The following TBC1D14 variants were observed in gnomAD, a reference collection of about 807,000 sequenced individuals.
The protein encoded by TBC1D14 is TBC1 domain family member 14, also known as TBC1 domain family, member 14.
In TBC1D14, 26 loss-of-function variants were observed where a neutral mutation model predicts 79.0. That is an observed-to-expected ratio of 0.33 (90% confidence interval 0.24 to 0.46). The LOEUF is 0.46. Among genes scored for constraint, TBC1D14 ranks in the 20% least tolerant of loss-of-function variants. The probability of loss-of-function intolerance (pLI) is 1.00; values close to 1 mark genes in which losing one functional copy is unlikely to be tolerated. For synonymous variants in TBC1D14, 394 were observed against 349.9 expected (o/e 1.13, Z -1.40); for missense variants, 769 against 887.6 (o/e 0.87, Z 1.70).
At chr4:6,946,443 C>T (rs1278728286) in intron 2 of TBC1D14, among the ~76,000 whole-genome samples, 2 of 152,110 alleles carry the variant, frequency 1.3e-5, no homozygotes, top group Non-Finnish European at 2.9e-5. Context: ...AGCGATTCTC[C>T]TGAGTAGCTG....
intron 1 of TBC1D14, 139 bp from the exon 2 acceptor site, chr4:6,923,234 T>G (rs1724007223): frequency 2.0e-6 from 2 of 988,626 alleles, no homozygotes; most frequent in African/African-American, 3.3e-5. Context: ...CTTCTGGACT[T>G]GAATCAAAAC....
chr4:6,984,532 T>A (rs1717649781), intron 3 of TBC1D14, among the ~76,000 whole-genome samples: 1 of 152,222 alleles, frequency 6.6e-6, no homozygotes, highest in Non-Finnish European at 1.5e-5. Flanking sequence ...AAAAATTATT[T>A]TTCACATTTT....
Position 7,010,743 on chromosome 4 carries a change from C to A in TBC1D14, c.1609C>A (p.Pro537Thr). Residue 537 changes from proline to threonine, a missense_variant, in exon 11 of 14, where the codon CCC becomes ACC. Pro to Thr is a conservative substitution (Grantham distance 38). Transcript: ENST00000409757. ...TGCCTTTTCTAACCTTCTGAATAAA[C>A]CCTGTCAAATGGCGTTTTTTAGAGT... ...FIAFSNLLNKPCQMAFFRVDH... is the reference protein window; with the variant it reads ...FIAFSNLLNKTCQMAFFRVDH... 1 of 1,614,018 alleles carries A rather than the reference C, an allele frequency of 6.2e-7. No homozygotes were observed. The highest frequency in any genetic ancestry group is 1.1e-5 in the South Asian group (1 of 91,060).
intron 3 of TBC1D14, among the ~76,000 whole-genome samples, chr4:6,975,883 A>G (rs1052765709): frequency 9.2e-5 from 14 of 152,160 alleles, no homozygotes; most frequent in Non-Finnish European, 1.8e-4. Context: ...ACCTGAGCTC[A>G]GGAGTTCGAG....
chr4:7,017,728 C>T (rs1371287025), intron 12 of TBC1D14, among the ~76,000 whole-genome samples: 1 of 152,154 alleles, frequency 6.6e-6, no homozygotes, highest in Non-Finnish European at 1.5e-5. Flanking sequence ...GAATAAGCAC[C>T]AGCTAGGATA....
chr4:6,948,606 C>T (rs536815174), intron 2 of TBC1D14, among the ~76,000 whole-genome samples: 4 of 151,930 alleles, frequency 2.6e-5, no homozygotes, highest in Non-Finnish European at 4.4e-5. Context: ...GGGTCCCACT[C>T]GCGGTGTGTG....
In TBC1D14 at chr4:6,958,376, T is replaced by TATACACACACAC. The variant is rs538972596; in HGVS notation, c.723-8927_723-8926insTACACACACACA. Among the ~76,000 whole-genome samples, 39 of 149,220 alleles carry TATACACACACAC rather than the reference T, an allele frequency of 2.6e-4. 1 individual carries two copies. Among genetic ancestry groups the TATACACACACAC allele is most frequent in the South Asian group, 8.5e-4 (4 of 4,714 alleles). ...GGGTGATACACGTGATCCCCACATA[T>TATACACACACAC]ACACACACACACACACACACACACA... On this transcript the variant is annotated intron_variant, in intron 2 of 13. Coordinates refer to ENST00000409757, the MANE Select transcript of TBC1D14 (RefSeq NM_020773.3).
intron 9 of TBC1D14, 93 bp downstream of exon 9, chr4:7,006,819 C>A: frequency 1.5e-6 from 2 of 1,290,368 alleles, no homozygotes; most frequent in East Asian, 2.4e-5. Flanking sequence ...TTGAAAGGTA[C>A]TTGGGTTTTT....
chr4:6,940,771 A>G (rs1712830345), intron 2 of TBC1D14, among the ~76,000 whole-genome samples: 1 of 152,184 alleles, frequency 6.6e-6, no homozygotes, highest in Admixed American at 6.5e-5. Flanking sequence ...GCGGCTGGAC[A>G]CAGTGCTCTA....
chr4:6,912,410 A>T (rs1424400849), intron 1 of TBC1D14, among the ~76,000 whole-genome samples: 3 of 151,574 alleles, frequency 2.0e-5, no homozygotes, highest in African/African-American at 4.9e-5. Context: ...AAAAATAAAA[A>T]AATAAAAAAT....
chr4:6,946,584 G>A (rs550449248), intron 2 of TBC1D14, among the ~76,000 whole-genome samples: 2 of 152,284 alleles, frequency 1.3e-5, no homozygotes, highest in East Asian at 1.9e-4. Context: ...GCCTTCCAAA[G>A]TGCTGGGATT....
chr4:6,932,189 GTC>G (rs1368219180), intron 2 of TBC1D14, among the ~76,000 whole-genome samples: 2 of 151,956 alleles, frequency 1.3e-5, no homozygotes, highest in Non-Finnish European at 2.9e-5. Context: ...GTGAAACCCT[GTC>G]TCTACTAAAA....
In TBC1D14 at chr4:6,923,617, G is replaced by A. The variant is rs115334884; in HGVS notation, c.228G>A (p.Pro76=). 1,742 of 1,613,958 alleles carry A rather than the reference G, an allele frequency of 1.1e-3. 5 individuals carry two copies. The African/African-American group carries it at 0.014, about 13-fold the overall frequency. ...SGIPTLEIGN[P]EPVPCSAVHV... is the part of the protein sequence containing the mutation. ...TTCCTACCCTGGAGATCGGGAACCC[G>A]GAGCCTGTACCCTGCAGCGCGGTCC... is the stretch of plus-strand genomic sequence containing the variant. Residue 76 remains proline (P), a synonymous_variant, in exon 2 of 14, where the codon CCG becomes CCA. Coordinates refer to ENST00000409757, the MANE Select transcript of TBC1D14 (RefSeq NM_020773.3).
chr4:7,022,000 C>G (rs564912278), intron 12 of TBC1D14, among the ~76,000 whole-genome samples: 1 of 152,334 alleles, frequency 6.6e-6, no homozygotes, highest in South Asian at 2.1e-4. Flanking sequence ...CCTGGTGTCC[C>G]CCTTCAGTGG....
At chr4:7,016,303 G>A (rs1721273362) in intron 12 of TBC1D14, among the ~76,000 whole-genome samples, 1 of 152,214 alleles carries the variant, frequency 6.6e-6, no homozygotes, top group Non-Finnish European at 1.5e-5. Flanking sequence ...GCTATACTGG[G>A]TAGAAGTGTT....
chr4:6,935,267 TTTTGTTTG>T lies in TBC1D14; in HGVS notation c.722+11172_722+11179del, dbSNP rs754480416. ...TTTTTAAGATTGGAGAAATACAGGG[TTTTGTTTG>T]TTTGTTTGTTTGTTTTTAATTTGAA... On this transcript the variant is annotated intron_variant, in intron 2 of 13. Transcript: ENST00000409757. 2.0e-5 allele frequency among the ~76,000 whole-genome samples: 3 copies of T among 151,104 alleles called. No homozygotes were observed. In the East Asian group the frequency reaches 5.8e-4, roughly 29 times the overall value.
At chr4:6,921,403 C>T (rs1460141555) in intron 1 of TBC1D14, among the ~76,000 whole-genome samples, 1 of 152,082 alleles carries the variant, frequency 6.6e-6, no homozygotes, top group East Asian at 1.9e-4. Context: ...ACAGAGTCTC[C>T]CATTGTTGCC....
intron 2 of TBC1D14, among the ~76,000 whole-genome samples, chr4:6,950,197 T>C (rs1039570154): frequency 6.6e-6 from 1 of 152,238 alleles, no homozygotes; most frequent in Non-Finnish European, 1.5e-5. Flanking sequence ...TTGCTGAGAA[T>C]GATGGCTTCC....
intron 12 of TBC1D14, among the ~76,000 whole-genome samples, chr4:7,021,000 GC>G (rs1437771199): frequency 6.6e-6 from 1 of 152,222 alleles, no homozygotes; most frequent in Admixed American, 6.5e-5. Flanking sequence ...GTTGTGTGCA[GC>G]CCGGGGCCCT....
Sources: gnomAD v4.1 joint callset for allele counts (sites outside exome capture counted in the v4.1 genomes callset) on GRCh38, gnomAD v4.1.1 for gene constraint, MANE v1.5 for transcripts, NCBI Gene and HGNC (gene_info 2026-07-23, HGNC 2026-07-21) for gene names.